Variants in MET observed in about 807,000 individuals in gnomAD.
MET encodes the protein hepatocyte growth factor receptor.
In MET, 48 loss-of-function variants were observed where a neutral mutation model predicts 133.1. The ratio of observed to expected loss-of-function variants is 0.36; its 90% CI spans 0.29 to 0.46. The LOEUF is 0.46. Among genes scored for constraint, MET ranks in the 20% least tolerant of loss-of-function variants. MET has a pLI of 1.00. For missense variants in MET, 1,442 were observed against 1,695.9 expected, an observed-to-expected ratio of 0.85 and a Z score of 2.63; for synonymous variants, 628 against 616.5, an observed-to-expected ratio of 1.02 and a Z score of -0.28.
chr7:116,733,284 T>C (rs995750018), intron 3 of MET, among the ~76,000 whole-genome samples: 8 of 152,154 alleles, frequency 5.3e-5, no homozygotes, highest in African/African-American at 1.9e-4. Flanking sequence ...CTAGAAAAGC[T>C]GGCATCTATT....
At chr7:116,767,984 G>A (rs1047573757) in intron 11 of MET, among the ~76,000 whole-genome samples, 136 of 150,186 alleles carry the variant, frequency 9.1e-4, no homozygotes, top group African/African-American at 3.0e-3. Flanking sequence ...ATGTGTGTGT[G>A]TGTGTGTGTG....
chr7:116,718,555 A>C (rs899082939), intron 2 of MET, among the ~76,000 whole-genome samples: 13 of 151,486 alleles, frequency 8.6e-5, no homozygotes, highest in Admixed American at 5.9e-4. Flanking sequence ...GGTTAGTTAC[A>C]TATGTATACA....
At position 116,700,044 on chromosome 7, in the gene MET, G is replaced by A. The variant is rs191198682; in HGVS notation, c.960G>A (p.Ala320=). ...KKEVFNILQA[A]YVSKPGAQLA... ...AAGTGTTTAATATACTTCAGGCTGC[G>A]TATGTCAGCAAGCCTGGGGCCCAGC... The change falls in exon 2 of 21, where the codon GCG becomes GCA. Residue 320 remains alanine (A), a synonymous_variant. Coordinates refer to ENST00000397752, the MANE Select transcript of MET (RefSeq NM_000245.4). 43 of 1,613,932 alleles carry A rather than the reference G, an allele frequency of 2.7e-5. No homozygotes were observed. Among genetic ancestry groups the A allele is most frequent in the East Asian group, 1.6e-4 (7 of 44,886 alleles).
chr7:116,764,692 G>A (rs1562926627), intron 11 of MET, among the ~76,000 whole-genome samples: 1 of 151,976 alleles, frequency 6.6e-6, no homozygotes, highest in Non-Finnish European at 1.5e-5. Context: ...ACATAATTTG[G>A]CATCATCCTC....
intron 5 of MET, among the ~76,000 whole-genome samples, chr7:116,748,321 T>G (rs1562915243): frequency 6.6e-6 from 1 of 152,240 alleles, no homozygotes; most frequent in Admixed American, 6.5e-5. Flanking sequence ...AACCTGCTCC[T>G]GAATGACTAC....
At chr7:116,680,742 G>C (rs1796323886) in intron 1 of MET, among the ~76,000 whole-genome samples, 1 of 152,090 alleles carries the variant, frequency 6.6e-6, no homozygotes, top group South Asian at 2.1e-4. Flanking sequence ...AGGAGTTTGA[G>C]ACCAGCCTGG....
At chr7:116,783,577 CCA>C in intron 19 of MET, 108 bp downstream of exon 19, 1 of 1,118,068 alleles carries the variant, frequency 8.9e-7, no homozygotes, top group Admixed American at 2.1e-5. Flanking sequence ...ACCACCAATT[CCA>C]GTTTTCTTCA....
intron 16 of MET, among the ~76,000 whole-genome samples, chr7:116,777,928 T>C (rs555612942): frequency 3.7e-4 from 56 of 152,296 alleles, no homozygotes; most frequent in African/African-American, 1.3e-3. Flanking sequence ...AATTGAAAAA[T>C]CATAAGTATG....
chr7:116,676,595 G>T (rs1248664255), intron 1 of MET, among the ~76,000 whole-genome samples: 1 of 152,180 alleles, frequency 6.6e-6, no homozygotes, highest in Non-Finnish European at 1.5e-5. Context: ...GAATAAAATG[G>T]AAAAGAGAAT....
intron 2 of MET, among the ~76,000 whole-genome samples, chr7:116,713,933 G>A (rs952080437): frequency 6.6e-6 from 1 of 152,102 alleles, no homozygotes; most frequent in Admixed American, 6.5e-5. Flanking sequence ...TGTTTTATTT[G>A]TTAGTGCAGG....
At position 116,699,621 on chromosome 7, in the gene MET, C is replaced by G; in HGVS notation, c.537C>G (p.Ala179=). The change falls in exon 2 of 21, where the codon GCC becomes GCG. Residue 179 remains alanine, a synonymous_variant. Transcript: ENST00000397752. ...PSQCPDCVVS[A]LGAKVLSSVK... is the part of the protein sequence containing the mutation. ...AGTGTCCTGACTGTGTGGTGAGCGCCCTGGGAGCCAAAGTCCTTTCATCTG... is the reference window on the plus strand; with the variant it reads ...AGTGTCCTGACTGTGTGGTGAGCGCGCTGGGAGCCAAAGTCCTTTCATCTG... 1.2e-6 allele frequency: 2 copies of G among 1,613,958 alleles called. No individual in the cohort carries two copies. The highest frequency in any genetic ancestry group is 1.7e-6 in the Non-Finnish European group (2 of 1,179,940).
intron 19 of MET, among the ~76,000 whole-genome samples, chr7:116,789,886 G>T (rs375621477): frequency 4.2e-4 from 64 of 152,306 alleles, no homozygotes; most frequent in Middle Eastern, 3.4e-3. Flanking sequence ...GTGCCATGGT[G>T]GTTTGCTGCA....
At chr7:116,769,607 G>A (rs762545251) in intron 11 of MET, 38 bp from the exon 12 acceptor site, 19 of 1,602,514 alleles carry the variant, frequency 1.2e-5, no homozygotes, top group Middle Eastern at 1.7e-4. Flanking sequence ...GCAGAACTGT[G>A]AAGTGTTAAC....
chr7:116,771,710 A>C (rs1554398325), intron 13 of MET, 56 bp downstream of exon 13: 16 of 1,609,078 alleles, frequency 9.9e-6, no homozygotes, highest in Non-Finnish European at 1.3e-5. Context: ...CAGTCATTAC[A>C]GTTTAAGATT....
At chr7:116,735,325 G>A (rs1478169977) in intron 3 of MET, among the ~76,000 whole-genome samples, 1 of 152,190 alleles carries the variant, frequency 6.6e-6, no homozygotes, top group African/African-American at 2.4e-5. Context: ...GAAACCCAAG[G>A]AGGTAGAGAT....
chr7:116,673,159 T>A (rs942595743), intron 1 of MET, among the ~76,000 whole-genome samples: 1 of 152,234 alleles, frequency 6.6e-6, no homozygotes, highest in African/African-American at 2.4e-5. Context: ...GGCTGAGCGA[T>A]GTGGCCAGTC....
chr7:116,749,489 C>A (rs530989584), intron 5 of MET, among the ~76,000 whole-genome samples: 6 of 152,142 alleles, frequency 3.9e-5, no homozygotes, highest in Non-Finnish European at 8.8e-5. Flanking sequence ...ATGATAAACC[C>A]ACAGCCAATA....
intron 5 of MET, among the ~76,000 whole-genome samples, chr7:116,746,584 G>A (rs1201889385): frequency 6.6e-6 from 1 of 152,158 alleles, no homozygotes; most frequent in East Asian, 1.9e-4. Flanking sequence ...TATATGCCAT[G>A]GAATACTATG....
intron 4 of MET, among the ~76,000 whole-genome samples, chr7:116,740,611 C>A (rs1339307877): frequency 6.6e-6 from 1 of 152,122 alleles, no homozygotes; most frequent in Non-Finnish European, 1.5e-5. Flanking sequence ...CATTGTGTGG[C>A]AATGCTATGC....
Sources: gnomAD v4.1 joint callset for allele counts (sites outside exome capture counted in the v4.1 genomes callset) on GRCh38, gnomAD v4.1.1 for gene constraint, MANE v1.5 for transcripts, NCBI Gene and HGNC (gene_info 2026-07-23, HGNC 2026-07-21) for gene names.